CARS2: variants seen among roughly 807,000 people sequenced by gnomAD.
The protein encoded by CARS2 is cysteinyl-tRNA synthetase 2, mitochondrial.
In CARS2, 52 loss-of-function variants were observed where a neutral mutation model predicts 68.8. That is an observed-to-expected ratio of 0.76 (90% CI 0.61 to 0.95). The LOEUF (loss-of-function observed/expected upper bound fraction) is 0.95. CARS2 is among the 40% of genes least tolerant of loss of function. CARS2 has a pLI of 0.00. For missense variants in CARS2, 780 were observed against 754.2 expected, an observed-to-expected ratio of 1.03 and a Z score of -0.40; for synonymous variants, 314 against 303.6, an observed-to-expected ratio of 1.03 and a Z score of -0.36.
chr13:110,678,794 G>C (rs2063048642), intron 6 of CARS2, among the ~76,000 whole-genome samples: 1 of 152,146 alleles, frequency 6.6e-6, no homozygotes, highest in Non-Finnish European at 1.5e-5. Flanking sequence ...GCTGGGGAAT[G>C]AGCTTCAAAA....
At position 110,705,138 on chromosome 13, in the gene CARS2, C is replaced by T. The variant is rs2063902935; in HGVS notation, c.275+383G>A. 6.6e-6 allele frequency among the ~76,000 whole-genome samples: 1 copy of T among 152,154 alleles called. No individual in the cohort carries two copies. Among genetic ancestry groups the T allele is most frequent in the Non-Finnish European group, 1.5e-5 (1 of 68,030 alleles). On this transcript the variant is annotated intron_variant, in intron 2 of 14. Coordinates refer to ENST00000257347, the MANE Select transcript of CARS2 (RefSeq NM_024537.4). This position sits in a 1 kb window ranked among gnomAD's most constrained non-coding sequence, Gnocchi z 4.0. The stretch of plus-strand genomic sequence containing the variant: ...CATTCCCATCTCAAAGATGAAGAAA[C>T]CAGGACTCAAAGCAATAAAGTGACC...
upstream of CARS2, among the ~76,000 whole-genome samples, chr13:110,708,220 G>C (rs1288865253): frequency 1.3e-5 from 2 of 152,220 alleles, no homozygotes; most frequent in African/African-American, 4.8e-5. Flanking sequence ...GTTGAATGTT[G>C]ATGAATTAAT....
chr13:110,651,215 G>A lies in CARS2; in HGVS notation c.988-115C>T, dbSNP rs1443683621. ...TTATCTCTACCTATCAAGAAATCAG[G>A]AACCTTGATGAAAATGAGCCCTCCA... is the stretch of plus-strand genomic sequence containing the variant. On this transcript the variant is annotated intron_variant, in intron 9 of 14. Transcript: ENST00000257347. The A allele has an allele frequency of 2.8e-5, 18 of 648,422 alleles. No individual in the cohort carries two copies. In the Admixed American group the frequency reaches 4.3e-4, roughly 16 times the overall value. The allele number at this position is 648,422 out of a possible 1,614,324, so 40.2% of individuals were successfully genotyped here.
chr13:110,666,201 T>A, intron 8 of CARS2: 1 of 985,370 alleles, frequency 1.0e-6, no homozygotes, highest in Non-Finnish European at 1.2e-6. Context: ...ATTCCACCAC[T>A]GGGCAGCGTG....
chr13:110,706,762 C>T (rs2063969655), upstream of CARS2, among the ~76,000 whole-genome samples: 2 of 148,392 alleles, frequency 1.3e-5, no homozygotes, highest in South Asian at 4.2e-4. Context: ...ACAGTATGCA[C>T]CCCAGCACAC....
intron 7 of CARS2, 107 bp from the exon 8 acceptor site, chr13:110,667,580 G>T: frequency 1.0e-6 from 1 of 997,320 alleles, no homozygotes. Flanking sequence ...TGAATAAATG[G>T]ATCTCAGTTT....
chr13:110,646,891 C>T (rs1345012832), intron 11 of CARS2: 3 of 537,370 alleles, frequency 5.6e-6, no homozygotes, highest in East Asian at 3.0e-5. Flanking sequence ...GCTCCCAGTC[C>T]CCTGTGGCCT....
At chr13:110,697,536 G>C (rs1391549929) in intron 3 of CARS2, among the ~76,000 whole-genome samples, 1 of 152,326 alleles carries the variant, frequency 6.6e-6, no homozygotes, top group South Asian at 2.1e-4. Flanking sequence ...TCCACCTCCC[G>C]GGTTCAAGTA....
At chr13:110,648,185 TCA>T (rs1888393939) in intron 10 of CARS2, 2 of 152,214 alleles carry the variant, frequency 1.3e-5, no homozygotes, top group Non-Finnish European at 2.9e-5. Flanking sequence ...AAATTCACTT[TCA>T]GTTTTTGCTT....
At chr13:110,651,387 G>A (rs2062209477) in intron 9 of CARS2, among the ~76,000 whole-genome samples, 1 of 152,216 alleles carries the variant, frequency 6.6e-6, no homozygotes, top group Non-Finnish European at 1.5e-5. Context: ...TGTGTCCTGT[G>A]CTCAGCCTGG....
chr13:110,713,143 C>T, exon 1 of CARS2: 1 of 1,430,590 alleles, frequency 7.0e-7, no homozygotes, highest in Non-Finnish European at 9.1e-7. Context: ...TCACGGTCTC[C>T]CCGCCTCCTC....
At chr13:110,682,673 C>A (rs549655414) in intron 6 of CARS2, among the ~76,000 whole-genome samples, 1 of 152,282 alleles carries the variant, frequency 6.6e-6, no homozygotes, top group Admixed American at 6.5e-5. Flanking sequence ...GGAAGTTTAA[C>A]ACATAGTAAG....
At chr13:110,664,734 GACGGTA>G (rs1379432573) in intron 8 of CARS2, 64 of 745,922 alleles carry the variant, frequency 8.6e-5, no homozygotes, top group Middle Eastern at 6.6e-4. Flanking sequence ...GCCCTCAGGT[GACGGTA>G]ACTGAAGGCA....
exon 1 of CARS2, chr13:110,713,306 G>C (rs937759970): frequency 4.2e-6 from 5 of 1,195,732 alleles, no homozygotes; most frequent in Non-Finnish European, 5.2e-6. Context: ...TGTGTACCAT[G>C]GTCTCGGAGG....
In CARS2 at chr13:110,642,536, G is replaced by A. The variant is rs1887506215; in HGVS notation, c.1417-15C>T. ...CCTGAAACGTACTGAAGCCAGCAGGGCGCGGTTACGTCCCCCGGAGACTGT... is the reference window on the plus strand; with the variant it reads ...CCTGAAACGTACTGAAGCCAGCAGGACGCGGTTACGTCCCCCGGAGACTGT... On this transcript the variant is annotated splice_polypyrimidine_tract_variant and intron_variant, in intron 13 of 14. Transcript: ENST00000257347. The A allele has an allele frequency of 2.5e-6, 4 of 1,608,132 alleles. No individual in the cohort carries two copies. The highest frequency in any genetic ancestry group is 2.2e-5 in the East Asian group (1 of 44,686).
Position 110,706,047 on chromosome 13 carries a change from TG to T in CARS2, c.46del (p.Gln16ArgfsTer50). On this transcript the variant is annotated frameshift_variant, in exon 1 of 15. Transcript: ENST00000257347. LOFTEE classifies it high-confidence loss of function. ...RGPGLGPPLL[Q>X]AALGLGRAGW... is the part of the protein sequence containing the mutation. The stretch of plus-strand genomic sequence containing the variant: ...AGCCCGCCCAAGGCCCAGCGCGGCC[TG>T]GAGCAGCGGGGGGCCCAGGCCTGGG... 7.3e-7 allele frequency: 1 copy of T among 1,366,590 alleles called. No individual in the cohort carries two copies. The highest frequency in any genetic ancestry group is 9.4e-7 in the Non-Finnish European group (1 of 1,061,840). 84.7% of individuals were successfully genotyped at this position (1,366,590 alleles called of 1,614,324 possible). A position where few individuals can be genotyped will look rare whatever the true frequency, so the allele number is the denominator to read the frequency against.
chr13:110,644,396 C>T lies in CARS2; in HGVS notation c.1405G>A (p.Ala469Thr), dbSNP rs868665261. ...ATAATAGGACCTACCTGTTGATTTG[C>T]CAGAGAAATTCCAACAGTTTCAAAA... ...QFFETVGISLANQQYVSGDGS... is the reference protein window; with the variant it reads ...QFFETVGISLTNQQYVSGDGS... The change falls in exon 13 of 15, where the codon GCA becomes ACA. Residue 469 changes from alanine to threonine, a missense_variant. By Grantham distance (58) the Ala-to-Thr change is moderately conservative. Transcript: ENST00000257347. 2 of 1,613,494 alleles carry T rather than the reference C, an allele frequency of 1.2e-6. No individual in the cohort carries two copies. The highest frequency in any genetic ancestry group is 2.7e-5 in the African/African-American group (2 of 74,886).
rs527520429 is a variant in CARS2 at position 110,667,049 on chromosome 13, T to C, written c.919+291A>G. 1.6e-4 allele frequency: 113 copies of C among 712,488 alleles called. 3 individuals are homozygous for C. The South Asian group carries it at 5.4e-3, about 34-fold the overall frequency. 44.1% of individuals were successfully genotyped at this position (712,488 alleles called of 1,614,324 possible). A position where few individuals can be genotyped will look rare whatever the true frequency, so the allele number is the denominator to read the frequency against. On this transcript the variant is annotated intron_variant, in intron 8 of 14. Coordinates refer to ENST00000257347, the MANE Select transcript of CARS2 (RefSeq NM_024537.4). ...AAGGATGTTCATAATTATCGTTACA[T>C]TGTACTACTTCAAGTTCCTTCTTAA...
upstream of CARS2, among the ~76,000 whole-genome samples, chr13:110,710,938 T>TC (rs1225027024): frequency 1.3e-5 from 2 of 151,750 alleles, no homozygotes; most frequent in South Asian, 4.2e-4. Flanking sequence ...TGTTGTGATT[T>TC]TTTTTTTTAA....
Sources: allele counts gnomAD v4.1 joint callset (sites outside exome capture counted in the v4.1 genomes callset), GRCh38; gene constraint gnomAD v4.1.1; non-coding constraint Gnocchi (gnomAD v3.1); transcripts MANE v1.5; gene names NCBI Gene and HGNC (gene_info 2026-07-23, HGNC 2026-07-21).